PIK3R1: variants seen among roughly 807,000 people sequenced by gnomAD.
The protein encoded by PIK3R1 is phosphatidylinositol 3-kinase regulatory subunit alpha.
In PIK3R1, 29 loss-of-function variants were observed where a neutral mutation model predicts 98.0. That is an observed-to-expected ratio of 0.30 (90% CI 0.22 to 0.40). The LOEUF is 0.40. Ranked by LOEUF, PIK3R1 falls within the 10% of genes least tolerant of loss-of-function variation. The pLI is 1.00. For synonymous variants in PIK3R1, 282 were observed against 311.8 expected (o/e 0.90, Z 1.01); for missense variants, 596 against 872.7 (o/e 0.68, Z 3.99).
intron 2 of PIK3R1, among the ~76,000 whole-genome samples, chr5:68,252,161 G>A (rs1422666067): frequency 1.3e-5 from 2 of 152,138 alleles, no homozygotes; most frequent in African/African-American, 4.8e-5. Flanking sequence ...ACTAAGGGCC[G>A]CATTGTAGAC....
intron 2 of PIK3R1, among the ~76,000 whole-genome samples, chr5:68,231,122 T>G (rs1744454815): frequency 6.6e-6 from 1 of 152,216 alleles, no homozygotes; most frequent in Non-Finnish European, 1.5e-5. Flanking sequence ...CTCTGTCATA[T>G]GTAAGCCATC....
intron 1 of PIK3R1, among the ~76,000 whole-genome samples, chr5:68,223,120 CTCAATCATCA>C (rs1744149811): frequency 8.5e-6 from 1 of 117,214 alleles, no homozygotes; most frequent in African/African-American, 3.8e-5. Context: ...TGTGTACAAA[CTCAATCATCA>C]TCATCATCAT....
intron 2 of PIK3R1, among the ~76,000 whole-genome samples, chr5:68,257,270 C>T (rs181926938): frequency 3.9e-5 from 6 of 152,358 alleles, no homozygotes; most frequent in Admixed American, 2.6e-4. Context: ...ACATTTCACC[C>T]TGTCTTGTCT....
intron 4 of PIK3R1, among the ~76,000 whole-genome samples, chr5:68,276,861 T>G (rs1746591402): frequency 6.6e-6 from 1 of 152,180 alleles, no homozygotes; most frequent in Admixed American, 6.5e-5. Flanking sequence ...TCCACAAACA[T>G]TTAACACGTT....
intron 2 of PIK3R1, among the ~76,000 whole-genome samples, chr5:68,232,924 A>G (rs1744536756): frequency 1.3e-5 from 2 of 152,074 alleles, no homozygotes; most frequent in Non-Finnish European, 2.9e-5. Flanking sequence ...TTCTAATACA[A>G]TTTTCTTTGT....
intron 3 of PIK3R1, 147 bp downstream of exon 3, chr5:68,273,629 T>A (rs988739050): frequency 2.3e-5 from 16 of 700,246 alleles, no homozygotes; most frequent in Non-Finnish European, 3.7e-5. Flanking sequence ...TGTTTGGGGC[T>A]AAGTACTGGG....
intron 2 of PIK3R1, among the ~76,000 whole-genome samples, chr5:68,260,334 G>A (rs1745689813): frequency 6.6e-6 from 1 of 152,052 alleles, no homozygotes; most frequent in East Asian, 1.9e-4. Flanking sequence ...TTTTATCCCT[G>A]TCACTTGTAC....
intron 1 of PIK3R1, among the ~76,000 whole-genome samples, chr5:68,224,541 A>G (rs1744209607): frequency 6.6e-6 from 1 of 152,226 alleles, no homozygotes. Flanking sequence ...TGAATACTTT[A>G]CACTTCTGAA....
intron 2 of PIK3R1, among the ~76,000 whole-genome samples, chr5:68,271,651 GCT>G (rs943182603): frequency 1.3e-5 from 2 of 152,192 alleles, no homozygotes; most frequent in African/African-American, 4.8e-5. Flanking sequence ...GCTAGTCATT[GCT>G]TTATCAGAGA....
At chr5:68,282,508 A>G (rs998105986) in intron 7 of PIK3R1, among the ~76,000 whole-genome samples, 1 of 152,190 alleles carries the variant, frequency 6.6e-6, no homozygotes, top group Non-Finnish European at 1.5e-5. Flanking sequence ...ATACCCACAA[A>G]TGAATTTATC....
At chr5:68,262,403 T>TATATATACAC (rs33968242) in intron 2 of PIK3R1, among the ~76,000 whole-genome samples, 4 of 140,616 alleles carry the variant, frequency 2.8e-5, no homozygotes, top group Non-Finnish European at 4.6e-5. Flanking sequence ...TATATATATA[T>TATATATACAC]ACACACACGC....
At chr5:68,232,408 G>C (rs992530583) in intron 2 of PIK3R1, among the ~76,000 whole-genome samples, 1 of 152,158 alleles carries the variant, frequency 6.6e-6, no homozygotes, top group Non-Finnish European at 1.5e-5. Context: ...CTTTTTGCAG[G>C]AGGGTTCTTA....
intron 2 of PIK3R1, among the ~76,000 whole-genome samples, chr5:68,246,649 A>G (rs181457841): frequency 0.018 from 2,659 of 151,556 alleles, 74 homozygotes; most frequent in African/African-American, 0.061. Flanking sequence ...TTTGAGACGG[A>G]GTCTCGCTCT....
chr5:68,294,599 C>T lies in PIK3R1; in HGVS notation c.1489C>T (p.Gln497Ter). The T allele has an allele frequency of 6.2e-7, 1 of 1,611,036 alleles. No homozygotes were observed. Among genetic ancestry groups the T allele is most frequent in the Non-Finnish European group, 8.5e-7 (1 of 1,178,088 alleles). The change falls in exon 12 of 16, where the codon CAG becomes TAG. Residue 497 changes from glutamine to a stop codon, truncating the protein, a stop_gained. Transcript: ENST00000521381. LOFTEE classifies it high-confidence loss of function. ...FNETIKIFEEQCQTQERYSKE... is the reference protein window; with the variant it reads ...FNETIKIFEE ...TGAAACCATAAAAATATTTGAAGAA[C>T]AGTGCCAGACCCAAGAGCGGTACAG...
intron 1 of PIK3R1, among the ~76,000 whole-genome samples, chr5:68,218,708 T>C (rs568749891): frequency 1.4e-4 from 21 of 152,310 alleles, no homozygotes; most frequent in Non-Finnish European, 2.9e-5. Flanking sequence ...GCAAAAGATA[T>C]TGTATGTTTC....
At chr5:68,231,448 G>A (rs867531106) in intron 2 of PIK3R1, among the ~76,000 whole-genome samples, 5 of 152,184 alleles carry the variant, frequency 3.3e-5, no homozygotes, top group Admixed American at 6.5e-5. Context: ...GAAAGAAAAA[G>A]GCCACCATTG....
At chr5:68,253,282 T>C (rs1580204736) in intron 2 of PIK3R1, among the ~76,000 whole-genome samples, 1 of 152,348 alleles carries the variant, frequency 6.6e-6, no homozygotes, top group Non-Finnish European at 1.5e-5. Context: ...ATGACACTTA[T>C]CCTACATTTC....
chr5:68,253,412 T>TA (rs1282880673), intron 2 of PIK3R1, among the ~76,000 whole-genome samples: 15 of 152,020 alleles, frequency 9.9e-5, no homozygotes, highest in South Asian at 2.1e-4. Flanking sequence ...CTCTGAGAAA[T>TA]AAAAAAACAA....
At chr5:68,292,066 ATTTC>A in intron 7 of PIK3R1, 189 bp from the exon 8 acceptor site, 3 of 419,640 alleles carry the variant, frequency 7.1e-6, no homozygotes, top group Non-Finnish European at 1.3e-5. Flanking sequence ...TTTCAGTTTC[ATTTC>A]TTTTTGAGCC....
Sources: allele counts gnomAD v4.1 joint callset (sites outside exome capture counted in the v4.1 genomes callset), GRCh38; gene constraint gnomAD v4.1.1; transcripts MANE v1.5; gene names NCBI Gene and HGNC (gene_info 2026-07-23, HGNC 2026-07-21).